Variants in SPATA13 observed in about 807,000 individuals in gnomAD.
SPATA13 encodes the protein spermatogenesis associated 13.
Under a neutral mutation model 104.0 loss-of-function variants are expected in SPATA13, and 50 were observed. The ratio of observed to expected loss-of-function variants is 0.48; its 90% CI spans 0.38 to 0.61. The LOEUF (loss-of-function observed/expected upper bound fraction) is 0.61. Ranked by LOEUF, SPATA13 falls within the 20% of genes least tolerant of loss-of-function variation. The pLI is 0.00. For synonymous variants in SPATA13, 606 were observed against 667.5 expected (o/e 0.91, Z 1.42); for missense variants, 1,524 against 1,690.6 (o/e 0.90, Z 1.73).
At chr13:24,034,661 G>C (rs1333669558) in intron 3 of SPATA13, 1 of 152,202 alleles carries the variant, frequency 6.6e-6, no homozygotes, top group Non-Finnish European at 1.5e-5. Context: ...GTCATTGGGA[G>C]GTTCACCAGG....
At position 24,140,568 on chromosome 13, in the gene SPATA13, A is replaced by G. The variant is rs375761429; in HGVS notation, c.-111-82251A>G. Among the ~76,000 whole-genome samples, 14 of 152,260 alleles carry G rather than the reference A, an allele frequency of 9.2e-5. No homozygotes were observed. The East Asian group carries it at 1.4e-3, about 15-fold the overall frequency. The stretch of plus-strand genomic sequence containing the variant: ...ATTCAGCCTCTCCCTACAGAGTCAA[A>G]CGTTCCTCTTCAAAGCTCAGTCTCA... On this transcript the variant is annotated intron_variant, in intron 3 of 14. Coordinates refer to the SPATA13 transcript ENST00000424834.
chr13:24,302,817 A>T lies in SPATA13; in HGVS notation c.*44A>T. The T allele has an allele frequency of 6.2e-7, 1 of 1,612,668 alleles. No homozygotes were observed. The highest frequency in any genetic ancestry group is 1.1e-5 in the South Asian group (1 of 91,066). On this transcript the variant is annotated 3_prime_UTR_variant, in exon 13 of 13. Transcript: ENST00000382108. ...CCATGGAGCTGGGTGTCAAGAGAAG[A>T]ACTGTCTTTGTTTCTTGTGTGCTTC...
intron 4 of SPATA13, chr13:24,273,222 TGA>T (rs1391097622): frequency 6.6e-6 from 1 of 152,522 alleles, no homozygotes; most frequent in Non-Finnish European, 1.5e-5. Context: ...GGACAGAGGC[TGA>T]GTTTTGAGAG....
Position 24,302,613 on chromosome 13 carries a change from C to T in SPATA13, c.3674C>T (p.Pro1225Leu). ...HGKSKGYNRC[P>L]VAPPHQGLHP... ...CCCGAGTCAGGCTACAACAGGTGCC[C>T]TGTGGCCCCACCGCACCAGGGCCTG... The change falls in exon 13 of 13, where the codon CCT becomes CTT. Residue 1225 changes from proline to leucine, a missense_variant. Physicochemically the swap from Pro to Leu is moderately conservative, Grantham distance 98. Around this residue, in one of 2 missense-constraint regions of SPATA13, gnomAD observed 435 missense variants for 554.8 expected, o/e 0.78. Coordinates refer to ENST00000382108, the MANE Select transcript of SPATA13 (RefSeq NM_001166271.3). 3.7e-6 allele frequency: 6 copies of T among 1,609,594 alleles called. No individual in the cohort carries two copies. Among genetic ancestry groups the T allele is most frequent in the Non-Finnish European group, 5.1e-6 (6 of 1,177,260 alleles).
intron 11 of SPATA13, among the ~76,000 whole-genome samples, chr13:24,299,363 T>A (rs1273334837): frequency 6.6e-6 from 1 of 152,202 alleles, no homozygotes; most frequent in Non-Finnish European, 1.5e-5. Flanking sequence ...AGCCAGTAAG[T>A]CTGTGAACTG....
intron 3 of SPATA13, among the ~76,000 whole-genome samples, chr13:24,043,325 T>C (rs928745001): frequency 1.3e-5 from 2 of 152,164 alleles, no homozygotes; most frequent in Non-Finnish European, 2.9e-5. Flanking sequence ...CTACCCTTTT[T>C]TGTGGTCAAA....
intron 1 of SPATA13, among the ~76,000 whole-genome samples, chr13:24,175,228 TTTG>T (rs1472291432): frequency 1.4e-5 from 2 of 138,496 alleles, no homozygotes; most frequent in South Asian, 2.4e-4. Flanking sequence ...TGCTTGTTTT[TTTG>T]TTTTTTTTAA....
intron 1 of SPATA13, among the ~76,000 whole-genome samples, chr13:24,191,174 C>A (rs561683198): frequency 2.0e-5 from 3 of 152,110 alleles, no homozygotes; most frequent in South Asian, 4.1e-4. Context: ...CAGCATCTCT[C>A]GATATTGCCT....
chr13:24,101,031 A>G (rs1358007880), intron 3 of SPATA13, among the ~76,000 whole-genome samples: 1 of 152,216 alleles, frequency 6.6e-6, no homozygotes, highest in Non-Finnish European at 1.5e-5. Context: ...CTGAGAGTGC[A>G]TGATAAATAG....
chr13:24,025,467 A>G (rs966739002), intron 3 of SPATA13, among the ~76,000 whole-genome samples: 1 of 152,168 alleles, frequency 6.6e-6, no homozygotes, highest in African/African-American at 2.4e-5. Flanking sequence ...CCATGTGCAA[A>G]TTTCCTTAGG....
intron 1 of SPATA13, among the ~76,000 whole-genome samples, chr13:24,180,198 T>C (rs1184444442): frequency 6.6e-6 from 1 of 152,234 alleles, no homozygotes; most frequent in Non-Finnish European, 1.5e-5. Context: ...TCTCATTTCA[T>C]TCTTTTGCAT....
intron 3 of SPATA13, among the ~76,000 whole-genome samples, chr13:24,018,083 C>G (rs1235291969): frequency 6.6e-6 from 1 of 152,116 alleles, no homozygotes; most frequent in Non-Finnish European, 1.5e-5. Context: ...CACCTTACAC[C>G]CGTGGAAAAC....
At chr13:24,207,886 T>A (rs1870794289) in intron 1 of SPATA13, among the ~76,000 whole-genome samples, 2 of 152,214 alleles carry the variant, frequency 1.3e-5, no homozygotes, top group East Asian at 3.8e-4. Context: ...TATGGTGTGA[T>A]CTTAGGACCT....
chr13:24,281,054 C>A (rs995774489), intron 4 of SPATA13, among the ~76,000 whole-genome samples: 5 of 148,452 alleles, frequency 3.4e-5, no homozygotes, highest in Admixed American at 1.3e-4. Context: ...TCCCTGCTGC[C>A]CACCCACCCG....
intron 1 of SPATA13, among the ~76,000 whole-genome samples, chr13:24,169,662 C>T (rs1326782553): frequency 2.0e-5 from 3 of 152,196 alleles, no homozygotes; most frequent in Non-Finnish European, 4.4e-5. Flanking sequence ...CGCTTCTCAG[C>T]GGGAACTCAA....
intron 4 of SPATA13, among the ~76,000 whole-genome samples, chr13:24,254,996 GC>G (rs1490355121): frequency 6.6e-6 from 1 of 152,082 alleles, no homozygotes; most frequent in Non-Finnish European, 1.5e-5. Context: ...TTCTGAGGTA[GC>G]CAGTTATACT....
At chr13:24,142,652 C>T (rs543658152) in intron 3 of SPATA13, among the ~76,000 whole-genome samples, 16 of 152,200 alleles carry the variant, frequency 1.1e-4, no homozygotes, top group African/African-American at 3.6e-4. Flanking sequence ...TTCCTCCTCC[C>T]CCTTTCCTCT....
rs200903972 is a variant in SPATA13, at chr13:24,302,583, C to T, written c.3659-15C>T. ...CCCTCAGTCCCTGTTCCATCTCTCT[C>T]CCCTCCCGAGTCAGGCTACAACAGG... On this transcript the variant is annotated splice_polypyrimidine_tract_variant and intron_variant, in intron 12 of 12. Coordinates refer to ENST00000382108, the MANE Select transcript of SPATA13 (RefSeq NM_001166271.3). 3.1e-4 allele frequency: 492 copies of T among 1,571,932 alleles called. 1 individual carries two copies. In the South Asian group the frequency reaches 3.4e-3, roughly 11 times the overall value.
intron 12 of SPATA13, 101 bp from the exon 13 acceptor site, chr13:24,302,497 C>G: frequency 7.3e-6 from 3 of 412,488 alleles, no homozygotes; most frequent in Non-Finnish European, 9.1e-6. Context: ...AAAGAATTAG[C>G]TGAGAACTTG....
Sources: allele counts gnomAD v4.1 joint callset (sites outside exome capture counted in the v4.1 genomes callset), GRCh38; gene constraint gnomAD v4.1.1; regional missense constraint gnomAD v4.1.1; transcripts MANE v1.5; gene names NCBI Gene and HGNC (gene_info 2026-07-23, HGNC 2026-07-21).